The following C10orf67 variants were observed in gnomAD, a reference collection of about 807,000 sequenced individuals.
C10orf67 encodes uncharacterized protein C10orf67, mitochondrial.
Under a neutral mutation model 35.6 loss-of-function variants are expected in C10orf67, and 60 were observed. The ratio of observed to expected loss-of-function variants is 1.68; its 90% confidence interval spans 1.37 to 2.09. C10orf67 has a LOEUF of 2.09. Among genes scored for constraint, C10orf67 ranks in the 30% most tolerant of loss-of-function variants. The pLI, the probability that C10orf67 is intolerant of heterozygous loss-of-function variation, is 0.00. For missense variants in C10orf67, 474 were observed against 330.2 expected, an observed-to-expected ratio of 1.44 and a Z score of -3.38; for synonymous variants, 167 against 115.8, an observed-to-expected ratio of 1.44 and a Z score of -2.84.
intron 4 of C10orf67, among the ~76,000 whole-genome samples, chr10:23,304,880 T>C (rs1337112646): frequency 6.6e-6 from 1 of 152,154 alleles, no homozygotes; most frequent in Non-Finnish European, 1.5e-5. Flanking sequence ...GGAAGCAGTT[T>C]ATTCTTTCCA....
In C10orf67 at chr10:23,290,424, A is replaced by G. The variant is rs189836476; in HGVS notation, c.851-466T>C. The stretch of plus-strand genomic sequence containing the variant: ...TTTTACTGATATTTTGCTATAATTC[A>G]TTGTATTGCCTGCTCATTGCTTTGA... On this transcript the variant is annotated intron_variant, in intron 6 of 15. Coordinates refer to ENST00000636213, the MANE Select transcript of C10orf67 (RefSeq NM_001371909.1). 1.0e-3 allele frequency among the ~76,000 whole-genome samples: 159 copies of G among 152,356 alleles called. 2 individuals are homozygous for G. The highest frequency in any genetic ancestry group is 5.9e-3 in the Admixed American group (91 of 15,302).
chr10:23,215,847 A>G (rs1024606535), intron 15 of C10orf67, among the ~76,000 whole-genome samples: 1 of 152,220 alleles, frequency 6.6e-6, no homozygotes, highest in African/African-American at 2.4e-5. Flanking sequence ...AAGGAGAATG[A>G]CCACAGTTAT....
chr10:23,267,000 C>G (rs1297389009), intron 9 of C10orf67, among the ~76,000 whole-genome samples, 195 bp downstream of exon 9: 1 of 152,152 alleles, frequency 6.6e-6, no homozygotes, highest in Non-Finnish European at 1.5e-5. Flanking sequence ...CTGCCTCGGC[C>G]TCCTAAAGTA....
intron 1 of C10orf67, among the ~76,000 whole-genome samples, chr10:23,338,501 C>T (rs563395927): frequency 3.9e-5 from 6 of 152,290 alleles, no homozygotes; most frequent in Non-Finnish European, 8.8e-5. Context: ...TTTGCATTCC[C>T]TGACTATACT....
rs540493939 is a variant in C10orf67, at chr10:23,234,944, G to A, written c.1434+4785C>T. The stretch of plus-strand genomic sequence containing the variant: ...GGAGAATTGCTTGAACCCGGGAGGC[G>A]GAGGTTGCGGTGAGCCGAGATCGCA... On this transcript the variant is annotated intron_variant, in intron 13 of 15. Transcript: ENST00000636213. Among the ~76,000 whole-genome samples the A allele has an allele frequency of 1.3e-3, 192 of 149,650 alleles. 2 individuals are homozygous for A. Among genetic ancestry groups the A allele is most frequent in the African/African-American group, 4.4e-3 (181 of 40,698 alleles).
intron 15 of C10orf67, among the ~76,000 whole-genome samples, chr10:23,205,727 A>G (rs1243766549): frequency 6.6e-6 from 1 of 152,240 alleles, no homozygotes; most frequent in Non-Finnish European, 1.5e-5. Flanking sequence ...TTAGAAAATC[A>G]ATAAATGGAC....
chr10:23,209,734 T>C (rs1381150375), intron 15 of C10orf67, among the ~76,000 whole-genome samples: 1 of 152,114 alleles, frequency 6.6e-6, no homozygotes, highest in Admixed American at 6.6e-5. Context: ...GTGCAGTGGC[T>C]CATGCCTGTA....
intron 10 of C10orf67, among the ~76,000 whole-genome samples, chr10:23,263,150 T>C (rs1842797006): frequency 6.6e-6 from 1 of 152,228 alleles, no homozygotes. Context: ...CAAACTGCTC[T>C]GCAGCTCTCT....
At chr10:23,251,069 C>G (rs1414617138) in intron 10 of C10orf67, among the ~76,000 whole-genome samples, 1 of 152,074 alleles carries the variant, frequency 6.6e-6, no homozygotes, top group Admixed American at 6.6e-5. Flanking sequence ...TGCACTCCAG[C>G]CTGGATGACA....
intron 12 of C10orf67, among the ~76,000 whole-genome samples, chr10:23,241,156 T>C (rs1166891047): frequency 6.6e-6 from 1 of 152,258 alleles, no homozygotes; most frequent in African/African-American, 2.4e-5. Flanking sequence ...GTGACTCAAT[T>C]TTCCCCTTCT....
intron 15 of C10orf67, among the ~76,000 whole-genome samples, chr10:23,219,067 C>T (rs1206163773): frequency 3.3e-5 from 5 of 152,142 alleles, no homozygotes; most frequent in Non-Finnish European, 2.9e-5. Context: ...GCAAAACATA[C>T]TTATTGAAAA....
rs1289088285 is a variant in C10orf67, at chr10:23,264,163, TAA to T, written c.1200+2097_1200+2098del. ...AGCTACCTCCATGGAGTTAAATATTTAAAAGAGAGGAGCGGGAAAATTATAGC... is the reference window on the plus strand; with the variant it reads ...AGCTACCTCCATGGAGTTAAATATTTAAGAGAGGAGCGGGAAAATTATAGC... On this transcript the variant is annotated intron_variant, in intron 10 of 15. Coordinates refer to ENST00000636213, the MANE Select transcript of C10orf67 (RefSeq NM_001371909.1). Among the ~76,000 whole-genome samples, 3 of 152,110 alleles carry T rather than the reference TAA, an allele frequency of 2.0e-5. No homozygotes were observed. The East Asian group carries it at 5.8e-4, about 29-fold the overall frequency.
In C10orf67 at chr10:23,250,443, T is replaced by A. The variant is rs142154013; in HGVS notation, c.1346+12A>T. The A allele has an allele frequency of 7.4e-4, 294 of 398,562 alleles. No homozygotes were observed. The highest frequency in any genetic ancestry group is 4.5e-3 in the African/African-American group (220 of 48,744). The allele number at this position is 398,562 out of a possible 1,614,324, so 24.7% of individuals were successfully genotyped here. On this transcript the variant is annotated intron_variant, in intron 12 of 15. Transcript: ENST00000636213. ...GTTTTTAGAAATAGAATTTGTATATTTCACACCATACCTGTTCCTGAGAAT... is the reference window on the plus strand; with the variant it reads ...GTTTTTAGAAATAGAATTTGTATATATCACACCATACCTGTTCCTGAGAAT...
intron 1 of C10orf67, among the ~76,000 whole-genome samples, chr10:23,340,751 C>T (rs967423511): frequency 1.3e-5 from 2 of 152,182 alleles, no homozygotes; most frequent in African/African-American, 4.8e-5. Context: ...CTAAGTGGTT[C>T]CTACACAGTC....
chr10:23,239,836 GAAACTTAAAATGT>G lies in C10orf67; in HGVS notation c.1347-33_1347-21del, dbSNP rs1470246252. On this transcript the variant is annotated intron_variant, in intron 12 of 15. Transcript: ENST00000636213. ...TGAAAGCTGAAATTTTAAAAATGAT[GAAACTTAAAATGT>G]ATGTAAATCATAGCATAAAGCAAAT... 3.3e-6 allele frequency: 2 copies of G among 603,840 alleles called. No individual in the cohort carries two copies. Among genetic ancestry groups the G allele is most frequent in the Non-Finnish European group, 6.5e-6 (2 of 308,482 alleles). The allele number at this position is 603,840 out of a possible 1,614,324, so 37.4% of individuals were successfully genotyped here.
At chr10:23,318,616 A>G (rs1439274759) in intron 4 of C10orf67, 1 of 347,210 alleles carries the variant, frequency 2.9e-6, no homozygotes, top group Non-Finnish European at 5.2e-6. Context: ...ATTGCACAAG[A>G]GCAGGTAAGT....
intron 15 of C10orf67, among the ~76,000 whole-genome samples, chr10:23,212,699 C>T (rs935471416): frequency 2.7e-5 from 4 of 150,272 alleles, no homozygotes; most frequent in African/African-American, 7.3e-5. Flanking sequence ...CAGCCCCAAA[C>T]TTATAAGAAC....
chr10:23,241,074 T>A (rs909394830), intron 12 of C10orf67, among the ~76,000 whole-genome samples: 1 of 152,164 alleles, frequency 6.6e-6, no homozygotes, highest in Non-Finnish European at 1.5e-5. Context: ...GAACCTTGAG[T>A]CACAGAGAAT....
chr10:23,329,623 G>C (rs1221099155), intron 2 of C10orf67, among the ~76,000 whole-genome samples: 1 of 151,656 alleles, frequency 6.6e-6, no homozygotes, highest in East Asian at 1.9e-4. Context: ...AACGTAGCAA[G>C]ACTCTATCTC....
Sources: gnomAD v4.1 joint callset for allele counts (sites outside exome capture counted in the v4.1 genomes callset) on GRCh38, gnomAD v4.1.1 for gene constraint, MANE v1.5 for transcripts, NCBI Gene and HGNC (gene_info 2026-07-23, HGNC 2026-07-21) for gene names.